The following TNFRSF8 variants were observed in gnomAD, a reference collection of about 807,000 sequenced individuals.
The protein encoded by TNFRSF8 is tumor necrosis factor receptor superfamily member 8.
TNFRSF8 carries 26 observed loss-of-function variants against 70.8 expected under a neutral mutation model. The observed-to-expected ratio is 0.37, with a 90% CI of 0.27 to 0.51. TNFRSF8 has a LOEUF of 0.51. TNFRSF8 is among the 20% of genes least tolerant of loss of function. The pLI, the probability that TNFRSF8 is intolerant of heterozygous loss-of-function variation, is 0.94. For missense variants in TNFRSF8, 720 were observed against 807.9 expected (o/e 0.89, Z 1.32); for synonymous variants, 356 against 339.2 (o/e 1.05, Z -0.54).
intron 1 of TNFRSF8, among the ~76,000 whole-genome samples, chr1:12,068,136 G>A (rs1352199429): frequency 6.6e-6 from 1 of 152,132 alleles, no homozygotes; most frequent in Non-Finnish European, 1.5e-5. Flanking sequence ...TTCATTCTAA[G>A]GTTTTTATAC....
intron 10 of TNFRSF8, 188 bp from the exon 11 acceptor site, chr1:12,125,763 A>G: frequency 1.6e-6 from 1 of 637,938 alleles, no homozygotes; most frequent in Admixed American, 2.6e-5. Flanking sequence ...AGCCTTCAAT[A>G]GTTGATCAGC....
intron 1 of TNFRSF8, among the ~76,000 whole-genome samples, chr1:12,065,991 G>C (rs1484511342): frequency 6.6e-6 from 1 of 152,198 alleles, no homozygotes; most frequent in African/African-American, 2.4e-5. Context: ...AGGGTGGCTG[G>C]ACAATTTACC....
intron 8 of TNFRSF8, among the ~76,000 whole-genome samples, chr1:12,123,072 T>G (rs1570062446): frequency 6.6e-6 from 1 of 152,182 alleles, no homozygotes; most frequent in African/African-American, 2.4e-5. Flanking sequence ...CAAGTGGTCC[T>G]CCTGCCTCAG....
intron 4 of TNFRSF8, among the ~76,000 whole-genome samples, chr1:12,105,690 C>T (rs1251776426): frequency 2.0e-5 from 3 of 152,170 alleles, no homozygotes; most frequent in Non-Finnish European, 4.4e-5. Flanking sequence ...GTAATCCCAG[C>T]ACTTTGGGAG....
chr1:12,132,975 C>T (rs654712), intron 12 of TNFRSF8, among the ~76,000 whole-genome samples: 60,763 of 151,828 alleles, frequency 0.4, 14,035 homozygotes, highest in Admixed American at 0.57. Context: ...GACAGAGGCT[C>T]GGAGAAGGGA....
chr1:12,123,231 G>A (rs1641865102), intron 8 of TNFRSF8, 53 bp from the exon 9 acceptor site: 2 of 1,516,314 alleles, frequency 1.3e-6, no homozygotes, highest in East Asian at 4.7e-5. Context: ...ACTCTTTCCT[G>A]GAGACACCAG....
intron 14 of TNFRSF8, among the ~76,000 whole-genome samples, chr1:12,139,576 T>A (rs2101050496): frequency 6.6e-6 from 1 of 152,318 alleles, no homozygotes; most frequent in African/African-American, 2.4e-5. Context: ...CACCTCCACC[T>A]GGCTTTGTGC....
At chr1:12,126,725 C>T (rs550476596) in intron 12 of TNFRSF8, among the ~76,000 whole-genome samples, 2 of 152,348 alleles carry the variant, frequency 1.3e-5, no homozygotes, top group South Asian at 4.1e-4. Flanking sequence ...CTGCCACTTA[C>T]AAGCTGTGTG....
rs1641345103 is a variant in TNFRSF8, at chr1:12,097,143, G to T, written c.194G>T (p.Cys65Phe). The T allele has an allele frequency of 6.2e-7, 1 of 1,613,950 alleles. No homozygotes were observed. Among genetic ancestry groups the T allele is most frequent in the African/African-American group, 1.3e-5 (1 of 74,930 alleles). Reference protein sequence around the residue: ...TQQCPQRPTDCRKQCEPDYYL... With the variant: ...TQQCPQRPTDFRKQCEPDYYL... ...CAGTGCCCACAGAGGCCTACTGACT[G>T]CAGGAAGCAGTGTGAGCCTGACTAC... Residue 65 changes from cysteine (C) to phenylalanine (F), a missense_variant, in exon 3 of 15, where the codon TGC becomes TTC. Coordinates refer to ENST00000263932, the MANE Select transcript of TNFRSF8 (RefSeq NM_001243.5).
rs76902636 is a variant in TNFRSF8 at position 12,138,089 on chromosome 1, G to A, written c.1336-140G>A. On this transcript the variant is annotated intron_variant, in intron 13 of 14. Coordinates refer to ENST00000263932, the MANE Select transcript of TNFRSF8 (RefSeq NM_001243.5). This position sits in a 1 kb window ranked among gnomAD's most constrained non-coding sequence, Gnocchi z 5.7. ...TCACCCAGAAAGCTGAGAAGCCCGG[G>A]GCAGCTCATGGCAGCTTTTAAAGCA... 1,004 of 793,390 alleles carry A rather than the reference G, an allele frequency of 1.3e-3. 10 individuals carry two copies. The African/African-American group carries it at 0.016, about 13-fold the overall frequency. 49.1% of individuals were successfully genotyped at this position (793,390 alleles called of 1,614,324 possible).
At chr1:12,106,444 T>TA (rs1438044760) in intron 4 of TNFRSF8, among the ~76,000 whole-genome samples, 1 of 152,136 alleles carries the variant, frequency 6.6e-6, no homozygotes, top group Non-Finnish European at 1.5e-5. Context: ...TGTGGATACA[T>TA]ACCTCTCTCT....
At position 12,123,495 on chromosome 1, in the gene TNFRSF8, C is replaced by T. The variant is rs11569905; in HGVS notation, c.1040+118C>T. ...GGGTGGAGGTGGGGCCTGGGCTGCT[C>T]TTTTGTTAAATGTGTGCCCATCTCT... On this transcript the variant is annotated intron_variant, in intron 9 of 14. Transcript: ENST00000263932. The T allele has an allele frequency of 2.1e-3, 2,273 of 1,069,464 alleles. 43 individuals are homozygous for T. In the African/African-American group the frequency reaches 0.032, roughly 15 times the overall value. 66.2% of individuals were successfully genotyped at this position (1,069,464 alleles called of 1,614,324 possible). A position where few individuals can be genotyped will look rare whatever the true frequency, so the allele number is the denominator to read the frequency against.
rs1641931942 is a variant in TNFRSF8, at chr1:12,126,012, C to T, written c.1215C>T (p.Leu405=). Residue 405 remains leucine, a synonymous_variant, in exon 11 of 15, where the codon CTC becomes CTT. Coordinates refer to ENST00000263932, the MANE Select transcript of TNFRSF8 (RefSeq NM_001243.5). ...LVVVVGSSAF[L]LCHRRACRKR... ...TGGTGGTCGGCTCCAGCGCCTTCCT[C>T]CTGTGCCACCGGAGGGCCTGCAGGA... 3 of 1,614,172 alleles carry T rather than the reference C, an allele frequency of 1.9e-6. No homozygotes were observed. Among genetic ancestry groups the T allele is most frequent in the Non-Finnish European group, 2.5e-6 (3 of 1,180,024 alleles).
chr1:12,070,504 A>G (rs150738724), intron 1 of TNFRSF8, among the ~76,000 whole-genome samples: 1,871 of 152,198 alleles, frequency 0.012, 14 homozygotes, highest in Middle Eastern at 0.027. Context: ...CTGCCCGCCT[A>G]TGTAGAGACA....
At chr1:12,134,470 T>C (rs1033201153) in intron 12 of TNFRSF8, among the ~76,000 whole-genome samples, 11 of 152,276 alleles carry the variant, frequency 7.2e-5, no homozygotes, top group African/African-American at 2.4e-4. Flanking sequence ...CAATATGTGC[T>C]TGGGCGTGAC....
At chr1:12,082,007 A>ACTTCCTGCTTCCCTTATCTTGCCTCC (rs1641072958) in intron 1 of TNFRSF8, among the ~76,000 whole-genome samples, 1 of 110,198 alleles carries the variant, frequency 9.1e-6, no homozygotes, top group African/African-American at 4.1e-5. Flanking sequence ...CTCTTGCCTC[A>ACTTCCTGCTTCCCTTATCTTGCCTCC]CTTCCTGCTT....
chr1:12,091,621 G>C (rs1466523504), intron 2 of TNFRSF8, among the ~76,000 whole-genome samples: 1 of 152,136 alleles, frequency 6.6e-6, no homozygotes, highest in Non-Finnish European at 1.5e-5. Context: ...GATCTGGCTG[G>C]GTGTGAAGGG....
At chr1:12,115,177 T>A (rs1367053143) in intron 7 of TNFRSF8, among the ~76,000 whole-genome samples, 1 of 152,150 alleles carries the variant, frequency 6.6e-6, no homozygotes, top group African/African-American at 2.4e-5. Flanking sequence ...TTTTAACAGC[T>A]TTAGGGAGAG....
chr1:12,098,325 A>G (rs112975901), intron 3 of TNFRSF8, among the ~76,000 whole-genome samples: 3 of 152,352 alleles, frequency 2.0e-5, no homozygotes, highest in African/African-American at 7.2e-5. Context: ...ACTGCATTTT[A>G]TGAAATGAAA....
Sources: allele counts gnomAD v4.1 joint callset (sites outside exome capture counted in the v4.1 genomes callset), GRCh38; gene constraint gnomAD v4.1.1; non-coding constraint Gnocchi (gnomAD v3.1); transcripts MANE v1.5; gene names NCBI Gene and HGNC (gene_info 2026-07-23, HGNC 2026-07-21).